UBE3A: variants seen among roughly 807,000 people sequenced by gnomAD.
The protein encoded by UBE3A is ubiquitin protein ligase E3A.
Under a neutral mutation model 83.4 loss-of-function variants are expected in UBE3A, and 6 were observed. The observed-to-expected ratio is 0.07, with a 90% CI of 0.04 to 0.14. The LOEUF (loss-of-function observed/expected upper bound fraction) is 0.14. UBE3A is among the 10% of genes least tolerant of loss of function. The probability of loss-of-function intolerance (pLI) is 1.00; values close to 1 mark genes in which losing one functional copy is unlikely to be tolerated. For missense variants in UBE3A, 456 were observed against 1,036.1 expected (o/e 0.44, Z 7.69); for synonymous variants, 337 against 355.4 (o/e 0.95, Z 0.58).
intron 4 of UBE3A, among the ~76,000 whole-genome samples, chr15:25,400,579 T>C (rs569410296): frequency 6.6e-6 from 1 of 152,236 alleles, no homozygotes; most frequent in East Asian, 1.9e-4. Context: ...CTATTATACA[T>C]GGAATTGTCT....
intron 1 of UBE3A, among the ~76,000 whole-genome samples, chr15:25,412,227 T>G (rs1475992827): frequency 6.6e-6 from 1 of 152,210 alleles, no homozygotes; most frequent in Non-Finnish European, 1.5e-5. Context: ...TGCCTTCTAT[T>G]TATTTACTCT....
intron 1 of UBE3A, among the ~76,000 whole-genome samples, chr15:25,412,496 C>T (rs1298126781): frequency 6.6e-6 from 1 of 152,034 alleles, no homozygotes; most frequent in Non-Finnish European, 1.5e-5. Flanking sequence ...CTACCTGGCA[C>T]AAAACAGGAC....
chr15:25,363,917 C>T (rs563093425), intron 6 of UBE3A, among the ~76,000 whole-genome samples: 4 of 152,034 alleles, frequency 2.6e-5, no homozygotes, highest in South Asian at 4.1e-4. Context: ...AAAGGCTGGG[C>T]GCCGTGGCTC....
chr15:25,384,075 AT>A (rs2082657333), intron 4 of UBE3A, among the ~76,000 whole-genome samples: 1 of 152,206 alleles, frequency 6.6e-6, no homozygotes, highest in Non-Finnish European at 1.5e-5. Flanking sequence ...AAGGAAATTA[AT>A]TTTTTAAACC....
At chr15:25,405,000 T>C (rs2088129982) in intron 4 of UBE3A, among the ~76,000 whole-genome samples, 1 of 152,236 alleles carries the variant, frequency 6.6e-6, no homozygotes, top group Non-Finnish European at 1.5e-5. Context: ...CATGTTACTA[T>C]TGTATTTTGG....
intron 6 of UBE3A, among the ~76,000 whole-genome samples, chr15:25,363,208 T>C (rs564860311): frequency 1.1e-3 from 164 of 152,330 alleles, no homozygotes; most frequent in African/African-American, 3.5e-3. Flanking sequence ...ATATGTTCTA[T>C]TGTAAATGCA....
intron 4 of UBE3A, among the ~76,000 whole-genome samples, chr15:25,399,735 TAA>T (rs746755722): frequency 7.4e-6 from 1 of 135,792 alleles, no homozygotes; most frequent in African/African-American, 3.2e-5. Context: ...CGCCTGGCTT[TAA>T]AAATTTTTTT....
At chr15:25,394,974 T>G (rs921612086) in intron 4 of UBE3A, among the ~76,000 whole-genome samples, 1 of 151,802 alleles carries the variant, frequency 6.6e-6, no homozygotes, top group Non-Finnish European at 1.5e-5. Flanking sequence ...TGAAGAAAAA[T>G]GCAGCAAGTT....
At chr15:25,426,152 A>G (rs1251636275) in intron 1 of UBE3A, among the ~76,000 whole-genome samples, 2 of 152,198 alleles carry the variant, frequency 1.3e-5, no homozygotes, top group African/African-American at 2.4e-5. Context: ...TAAGTGTTTT[A>G]TTACATGACT....
In UBE3A at chr15:25,337,716, A is replaced by G. The variant is rs2074064366; in HGVS notation, c.*1421T>C. On this transcript the variant is annotated 3_prime_UTR_variant, in exon 13 of 13. Transcript: ENST00000648336. ...TCAATCAATCAATCACCAAGGCACAAGCTCAGCACATTAGCTATAGCTTGT... is the reference window on the plus strand; with the variant it reads ...TCAATCAATCAATCACCAAGGCACAGGCTCAGCACATTAGCTATAGCTTGT... 1 of 152,158 alleles carries G rather than the reference A, an allele frequency of 6.6e-6. No homozygotes were observed. 9.4% of individuals were successfully genotyped at this position (152,158 alleles called of 1,614,324 possible).
At chr15:25,354,838 C>T (rs2077001407) in intron 9 of UBE3A, among the ~76,000 whole-genome samples, 155 bp from the exon 10 acceptor site, 1 of 151,956 alleles carries the variant, frequency 6.6e-6, no homozygotes, top group Non-Finnish European at 1.5e-5. Flanking sequence ...AACAATTTCA[C>T]AATTCTCTGT....
At chr15:25,382,135 G>T (rs1384905614) in intron 4 of UBE3A, among the ~76,000 whole-genome samples, 1 of 152,058 alleles carries the variant, frequency 6.6e-6, no homozygotes, top group African/African-American at 2.4e-5. Context: ...TGGCTAACAT[G>T]GTGAAACTAC....
At chr15:25,375,071 C>A in intron 5 of UBE3A, 5 of 196,518 alleles carry the variant, frequency 2.5e-5, no homozygotes, top group Admixed American at 1.1e-4. Context: ...TGGAAAAAAC[C>A]CACTGTTTCC....
At position 25,371,363 on chromosome 15, in the gene UBE3A, G is replaced by A; in HGVS notation, c.811C>T (p.His271Tyr). 1 of 1,614,076 alleles carries A rather than the reference G, an allele frequency of 6.2e-7. No homozygotes were observed. The highest frequency in any genetic ancestry group is 8.5e-7 in the Non-Finnish European group (1 of 1,179,936). ...TTAGGATCTCGAGAGTATACATTGTGATACGTCAAGTCACATTCCACGTTA... is the reference window on the plus strand; with the variant it reads ...TTAGGATCTCGAGAGTATACATTGTAATACGTCAAGTCACATTCCACGTTA... ...SPNVECDLTY[H>Y]NVYSRDPNYL... The change falls in exon 6 of 13, where the codon CAC (histidine) becomes TAC (tyrosine). Residue 271 changes from histidine to tyrosine, a missense_variant. By Grantham distance (83) the His-to-Tyr change is moderately conservative. This residue lies in a region of UBE3A where 40 missense variants were observed against 124.8 expected (regional missense o/e 0.32). Transcript: ENST00000648336. The surrounding 1 kb of genome is among the most constrained non-coding windows in gnomAD (Gnocchi z 5.3).
chr15:25,385,640 A>T (rs2082985251), intron 4 of UBE3A, among the ~76,000 whole-genome samples: 1 of 152,134 alleles, frequency 6.6e-6, no homozygotes, highest in Admixed American at 6.5e-5. Context: ...CAAACTTAAA[A>T]ATAAACAAAT....
At chr15:25,381,512 G>A (rs975054513) in intron 4 of UBE3A, among the ~76,000 whole-genome samples, 1 of 152,124 alleles carries the variant, frequency 6.6e-6, no homozygotes, top group African/African-American at 2.4e-5. Context: ...AAGATTAAAA[G>A]GAAAATGTGA....
intron 1 of UBE3A, among the ~76,000 whole-genome samples, chr15:25,414,924 T>C (rs371683591): frequency 6.6e-6 from 1 of 152,346 alleles, no homozygotes; most frequent in Admixed American, 6.5e-5. Context: ...TCATTTGCTT[T>C]TATACTTCCA....
intron 6 of UBE3A, among the ~76,000 whole-genome samples, chr15:25,365,087 C>G (rs1566931648): frequency 6.6e-6 from 1 of 152,118 alleles, no homozygotes; most frequent in African/African-American, 2.4e-5. Context: ...GTAACTTCCT[C>G]TTCTTTAAGA....
In UBE3A at chr15:25,371,130, G is replaced by C. The variant is rs1177185036; in HGVS notation, c.1044C>G (p.Val348=). The C allele has an allele frequency of 6.2e-7, 1 of 1,613,954 alleles. No individual in the cohort carries two copies. Among genetic ancestry groups the C allele is most frequent in the Non-Finnish European group, 8.5e-7 (1 of 1,180,010 alleles). Residue 348 remains valine (V), a synonymous_variant, in exon 6 of 13, where the codon GTC becomes GTG. Coordinates refer to ENST00000648336, the MANE Select transcript of UBE3A (RefSeq NM_130839.5). This position sits in a 1 kb window ranked among gnomAD's most constrained non-coding sequence, Gnocchi z 5.3. ...ETFQQLITYK[V]ISNEFNSRNL... is the part of the protein sequence containing the mutation. Reference sequence around the variant, plus strand: ...TTCGACTGTTAAATTCATTGCTTATGACTTTATAAGTAATAAGTTGCTGAA... The same window carrying C: ...TTCGACTGTTAAATTCATTGCTTATCACTTTATAAGTAATAAGTTGCTGAA...
Sources: allele counts gnomAD v4.1 joint callset (sites outside exome capture counted in the v4.1 genomes callset), GRCh38; gene constraint gnomAD v4.1.1; regional missense constraint gnomAD v4.1.1; non-coding constraint Gnocchi (gnomAD v3.1); transcripts MANE v1.5; gene names NCBI Gene and HGNC (gene_info 2026-07-23, HGNC 2026-07-21).